Variants in MGAT4C observed in about 807,000 individuals in gnomAD.
The protein encoded by MGAT4C is MGAT4 family member C, also known as alpha-1,3-mannosyl-glycoprotein 4-beta-N-acetylglucosaminyltransferase C.
In MGAT4C, 19 loss-of-function variants were observed where a neutral mutation model predicts 40.1. The ratio of observed to expected loss-of-function variants is 0.47; its 90% CI spans 0.33 to 0.70. MGAT4C has a LOEUF of 0.70. Among genes scored for constraint, MGAT4C ranks in the 30% least tolerant of loss-of-function variants. The probability of loss-of-function intolerance (pLI) is 0.02; values close to 1 mark genes in which losing one functional copy is unlikely to be tolerated. For synonymous variants in MGAT4C, 181 were observed against 187.1 expected (o/e 0.97, Z 0.27); for missense variants, 491 against 563.2 (o/e 0.87, Z 1.30).
intron 2 of MGAT4C, among the ~76,000 whole-genome samples, chr12:86,504,741 C>T (rs1026572279): frequency 7.2e-5 from 11 of 152,026 alleles, no homozygotes; most frequent in Non-Finnish European, 1.3e-4. Flanking sequence ...GGCTAGAGTG[C>T]AGTGGCATGA....
At chr12:86,587,926 T>C (rs1961137536) in intron 2 of MGAT4C, among the ~76,000 whole-genome samples, 3 of 151,912 alleles carry the variant, frequency 2.0e-5, no homozygotes. Flanking sequence ...TTTTCCTAAT[T>C]GAATACCCTT....
rs1407109835 is a variant in MGAT4C at position 86,034,290 on chromosome 12, T to TAAC, written c.-7+15383_-7+15384insGTT. ...CTAGAATGAGTTAGGAAGGAGTCCC[T>TAAC]TCTCTTCAAATTTTTGGAATAGTTT... On this transcript the variant is annotated intron_variant, in intron 2 of 4. Coordinates refer to ENST00000611864, the MANE Select transcript of MGAT4C (RefSeq NM_001351288.2). 7.4e-3 allele frequency among the ~76,000 whole-genome samples: 1,102 copies of TAAC among 149,872 alleles called. 34 individuals carry two copies. The highest frequency in any genetic ancestry group is 0.025 in the African/African-American group (1,025 of 41,348).
At chr12:86,481,015 G>A (rs781382080) in intron 2 of MGAT4C, among the ~76,000 whole-genome samples, 6 of 151,686 alleles carry the variant, frequency 4.0e-5, no homozygotes, top group Non-Finnish European at 8.8e-5. Flanking sequence ...ATCTTTCAAC[G>A]TAAAACAAAA....
chr12:86,481,313 T>C (rs564325450), intron 2 of MGAT4C, among the ~76,000 whole-genome samples: 1 of 152,000 alleles, frequency 6.6e-6, no homozygotes, highest in East Asian at 1.9e-4. Flanking sequence ...CAAATGGAAT[T>C]GGCAAAGATT....
chr12:86,051,507 T>C (rs553404210), intron 1 of MGAT4C, among the ~76,000 whole-genome samples: 20 of 151,992 alleles, frequency 1.3e-4, no homozygotes, highest in African/African-American at 4.8e-4. Context: ...AGAAGAGATA[T>C]ATATATTAAG....
intron 2 of MGAT4C, among the ~76,000 whole-genome samples, chr12:86,679,277 G>T (rs1466941280): frequency 6.6e-6 from 1 of 151,928 alleles, no homozygotes; most frequent in Non-Finnish European, 1.5e-5. Context: ...TGATGGGTTT[G>T]TTTTTTTCTT....
Position 86,500,683 on chromosome 12 carries a change from T to C in MGAT4C, c.-228-65418A>G, listed in dbSNP as rs187842088. The stretch of plus-strand genomic sequence containing the variant: ...ACAATCCACCAATTTATGCAAACTC[T>C]TTGTGACAAAAGAAAATAGGATGTA... On this transcript the variant is annotated intron_variant, in intron 2 of 7. Transcript: ENST00000548651. Among the ~76,000 whole-genome samples, 174 of 152,116 alleles carry C rather than the reference T, an allele frequency of 1.1e-3. 1 individual carries two copies. The highest frequency in any genetic ancestry group is 4.0e-3 in the African/African-American group (167 of 41,536).
intron 1 of MGAT4C, among the ~76,000 whole-genome samples, chr12:86,788,469 C>A (rs1215357234): frequency 6.6e-6 from 1 of 152,068 alleles, no homozygotes; most frequent in Non-Finnish European, 1.5e-5. Flanking sequence ...ATTTCTTTCT[C>A]ATTTCTACAA....
At chr12:86,301,095 G>A (rs1592668928) in intron 4 of MGAT4C, among the ~76,000 whole-genome samples, 1 of 152,132 alleles carries the variant, frequency 6.6e-6, no homozygotes, top group African/African-American at 2.4e-5. Context: ...AATTTATCAA[G>A]TGATAGTGCA....
chr12:86,362,763 A>C (rs1955507020), intron 3 of MGAT4C, among the ~76,000 whole-genome samples: 1 of 146,556 alleles, frequency 6.8e-6, no homozygotes, highest in African/African-American at 2.5e-5. Flanking sequence ...GCTACCTGGG[A>C]GGCTGAGGCA....
At chr12:86,386,151 T>C (rs938440892) in intron 3 of MGAT4C, among the ~76,000 whole-genome samples, 1 of 152,024 alleles carries the variant, frequency 6.6e-6, no homozygotes, top group Non-Finnish European at 1.5e-5. Context: ...AGGATGGTCT[T>C]GATCTCCTAA....
At chr12:86,618,125 G>A (rs1465172002) in intron 2 of MGAT4C, among the ~76,000 whole-genome samples, 1 of 152,116 alleles carries the variant, frequency 6.6e-6, no homozygotes, top group East Asian at 1.9e-4. Context: ...AAACCACAAT[G>A]AGATATCATC....
intron 2 of MGAT4C, among the ~76,000 whole-genome samples, chr12:86,461,247 T>C (rs1272070937): frequency 2.0e-5 from 3 of 148,960 alleles, no homozygotes; most frequent in Admixed American, 6.7e-5. Flanking sequence ...TTTTTTTTTT[T>C]TTTTTTTTTG....
chr12:86,000,337 A>G (rs1198863352), intron 2 of MGAT4C, among the ~76,000 whole-genome samples: 2 of 152,164 alleles, frequency 1.3e-5, no homozygotes, highest in African/African-American at 2.4e-5. Context: ...TCCTCTAGCC[A>G]TACTGATCAA....
chr12:86,008,362 C>A (rs1451290251), intron 2 of MGAT4C, among the ~76,000 whole-genome samples: 1 of 151,890 alleles, frequency 6.6e-6, no homozygotes, highest in Non-Finnish European at 1.5e-5. Context: ...GTGATGCTGA[C>A]ATCTTTCATG....
At chr12:86,448,097 G>A (rs1291671558) in intron 2 of MGAT4C, among the ~76,000 whole-genome samples, 1 of 152,154 alleles carries the variant, frequency 6.6e-6, no homozygotes, top group African/African-American at 2.4e-5. Flanking sequence ...AATTAGAGAA[G>A]GGAATTAGTA....
intron 1 of MGAT4C, among the ~76,000 whole-genome samples, chr12:86,189,293 G>C (rs2135894630): frequency 6.6e-6 from 1 of 151,922 alleles, no homozygotes; most frequent in Non-Finnish European, 1.5e-5. Context: ...CTGGTGAAAT[G>C]TCACCTAAAA....
chr12:86,679,785 T>A (rs1253711172), intron 2 of MGAT4C, among the ~76,000 whole-genome samples: 2 of 152,108 alleles, frequency 1.3e-5, no homozygotes, highest in East Asian at 1.9e-4. Flanking sequence ...TTCATCTTGA[T>A]CTTCTCAGCC....
At chr12:86,307,818 T>G (rs1287432114) in intron 4 of MGAT4C, among the ~76,000 whole-genome samples, 5 of 150,020 alleles carry the variant, frequency 3.3e-5, no homozygotes, top group Non-Finnish European at 7.4e-5. Context: ...TTCTCCTGCC[T>G]CAGCCTCCAG....
Sources: gnomAD v4.1 joint callset for allele counts (sites outside exome capture counted in the v4.1 genomes callset) on GRCh38, gnomAD v4.1.1 for gene constraint, MANE v1.5 for transcripts, NCBI Gene and HGNC (gene_info 2026-07-23, HGNC 2026-07-21) for gene names.